Variants in COL6A5 observed in about 807,000 individuals in gnomAD.
The protein encoded by COL6A5 is collagen alpha-5(VI) chain.
A neutral mutation model predicts 65.6 loss-of-function variants in COL6A5; 48 were observed. That is an observed-to-expected ratio of 0.73 (90% confidence interval 0.58 to 0.93). COL6A5 has a LOEUF of 0.93. Ranked by LOEUF, COL6A5 falls within the 40% of genes least tolerant of loss-of-function variation. The pLI is 0.00. For missense variants in COL6A5, 914 were observed against 928.3 expected, an observed-to-expected ratio of 0.98 and a Z score of 0.20; for synonymous variants, 291 against 322.8, an observed-to-expected ratio of 0.90 and a Z score of 1.05.
At chr3:130,414,898 T>A (rs1937292620) in intron 22 of COL6A5, among the ~76,000 whole-genome samples, 1 of 152,118 alleles carries the variant, frequency 6.6e-6, no homozygotes, top group Non-Finnish European at 1.5e-5. Context: ...CTGGGGTCCC[T>A]GAACCAAGCT....
At chr3:130,411,352 A>G (rs898718814) in intron 20 of COL6A5, among the ~76,000 whole-genome samples, 2 of 152,230 alleles carry the variant, frequency 1.3e-5, no homozygotes, top group Non-Finnish European at 2.9e-5. Context: ...GTTTTGTTCA[A>G]GAAGGAATTG....
At chr3:130,423,765 C>G in intron 28 of COL6A5, 73 bp from the exon 29 acceptor site, 1 of 1,181,142 alleles carries the variant, frequency 8.5e-7, no homozygotes, top group Non-Finnish European at 1.2e-6. Context: ...ATTAGAAAGT[C>G]TTATCGAAAC....
At chr3:130,406,286 G>T in exon 17 of COL6A5, 1 of 1,550,452 alleles carries the variant, frequency 6.4e-7, no homozygotes, top group South Asian at 1.2e-5. Context: ...TGGATTTCCT[G>T]GAATAAAAGG....
chr3:130,379,543 A>T, exon 4 of COL6A5: 1 of 1,551,436 alleles, frequency 6.4e-7, no homozygotes. Context: ...TACCAGCTCC[A>T]TGGATGTGAA....
chr3:130,371,290 CCTTTT>C (rs1308341123), intron 1 of COL6A5, among the ~76,000 whole-genome samples: 4 of 151,744 alleles, frequency 2.6e-5, no homozygotes, highest in African/African-American at 4.8e-5. Flanking sequence ...AATCCAGATG[CCTTTT>C]CTTTTTTTTT....
At position 130,379,966 on chromosome 3, in the gene COL6A5, A is replaced by G. The variant is rs114174330; in HGVS notation, c.1216A>G (p.Ser406Gly). ...GTCCTATGCAGACTTAGAAACTTAC[A>G]GTACAAAGTTCCTGAAAAAGCTCCA... The change falls in exon 4 of 42, where the codon AGT (serine) becomes GGT (glycine). Residue 406 changes from serine to glycine, a missense_variant and NMD_transcript_variant. Ser to Gly is a moderately conservative substitution (Grantham distance 56). Coordinates refer to the COL6A5 transcript ENST00000312481. 2.1e-5 allele frequency: 32 copies of G among 1,551,086 alleles called. 1 individual carries two copies. Among genetic ancestry groups the G allele is most frequent in the East Asian group, 1.7e-4 (7 of 40,920 alleles).
At chr3:130,356,632 C>T (rs1388373922) in intron 1 of COL6A5, among the ~76,000 whole-genome samples, 3 of 152,008 alleles carry the variant, frequency 2.0e-5, no homozygotes, top group African/African-American at 7.2e-5. Context: ...CATTCTCTAA[C>T]CACAATGCAT....
At chr3:130,375,344 C>G (rs1211084035) in intron 2 of COL6A5, among the ~76,000 whole-genome samples, 1 of 152,138 alleles carries the variant, frequency 6.6e-6, no homozygotes, top group African/African-American at 2.4e-5. Flanking sequence ...AACTGGCCCT[C>G]TTGCCTCAAA....
chr3:130,440,346 ACT>A lies in COL6A5; in HGVS notation c.765_766del (p.Ser256TrpfsTer2), dbSNP rs1709146807. 8 of 1,613,420 alleles carry A rather than the reference ACT, an allele frequency of 5.0e-6. No individual in the cohort carries two copies. The highest frequency in any genetic ancestry group is 6.8e-6 in the Non-Finnish European group (8 of 1,179,682). ...ATTGCTTCAGACCCTTTAATCTCAG[ACT>A]CTGGTGATAGGATTGCTTTGTTGAG... On this transcript the variant is annotated frameshift_variant, in exon 3 of 8. Coordinates refer to ENST00000512836, the Ensembl canonical transcript of COL6A5. LOFTEE classifies it high-confidence loss of function.
At chr3:130,463,321 C>G (rs1189569314) in intron 5 of COL6A5, among the ~76,000 whole-genome samples, 1 of 97,074 alleles carries the variant, frequency 1.0e-5, no homozygotes, top group African/African-American at 2.8e-5. Context: ...GAACAAATTT[C>G]AAATTTCAAA....
intron 1 of COL6A5, among the ~76,000 whole-genome samples, chr3:130,372,236 A>G (rs1201897785): frequency 6.6e-6 from 1 of 152,174 alleles, no homozygotes; most frequent in Non-Finnish European, 1.5e-5. Flanking sequence ...TAGTGTGGCC[A>G]CTTTGGAAAA....
At chr3:130,373,685 C>A in exon 2 of COL6A5, 2 of 1,540,806 alleles carry the variant, frequency 1.3e-6, no homozygotes, top group Non-Finnish European at 1.8e-6. Flanking sequence ...TGGACTGAAA[C>A]ATTGGCAGAC....
intron 1 of COL6A5, among the ~76,000 whole-genome samples, chr3:130,367,528 C>G (rs1480859784): frequency 6.6e-6 from 1 of 152,182 alleles, no homozygotes; most frequent in Admixed American, 6.5e-5. Flanking sequence ...ATCAAACATA[C>G]TTGGTCTCTA....
chr3:130,399,997 A>G (rs1207179313), intron 10 of COL6A5, among the ~76,000 whole-genome samples: 1 of 147,348 alleles, frequency 6.8e-6, no homozygotes, highest in African/African-American at 2.5e-5. Flanking sequence ...ACCTGACCTC[A>G]GGTGATCCGC....
chr3:130,467,219 C>T lies in COL6A5; in HGVS notation c.1545-1576C>T, dbSNP rs57044703. Among the ~76,000 whole-genome samples, 632 of 151,716 alleles carry T rather than the reference C, an allele frequency of 4.2e-3. 5 individuals carry two copies. Among genetic ancestry groups the T allele is most frequent in the African/African-American group, 0.015 (600 of 41,370 alleles). ...CAAATCTGGATAATTGGGATATCTG[C>T]GAATAACATGGTGGTTAACAGAAGC... On this transcript the variant is annotated intron_variant, in intron 5 of 7. Coordinates refer to ENST00000512836, the Ensembl canonical transcript of COL6A5.
chr3:130,401,693 G>C (rs1010182929), intron 11 of COL6A5, 69 bp from the exon 12 acceptor site: 3 of 1,132,312 alleles, frequency 2.6e-6, no homozygotes, highest in East Asian at 2.6e-5. Flanking sequence ...TGATTTGTAT[G>C]AGTACAATTC....
rs1709934695 is a variant in COL6A5, at chr3:130,470,874, C to A, written c.2237C>A (p.Ala746Asp). The stretch of plus-strand genomic sequence containing the variant: ...AACCAGCCCACTCTCTCTCCAGGTG[C>A]CATCAACAAATATCCCACCGAAGAT... The change falls in exon 7 of 8, where the codon GCC becomes GAC. Residue 746 changes from alanine to aspartate, a missense_variant. Transcript: ENST00000512836. 2.5e-6 allele frequency: 4 copies of A among 1,609,728 alleles called. No homozygotes were observed. The East Asian group carries it at 9.0e-5, about 36-fold the overall frequency.
At chr3:130,453,442 T>G (rs1709494827) in intron 4 of COL6A5, among the ~76,000 whole-genome samples, 1 of 152,088 alleles carries the variant, frequency 6.6e-6, no homozygotes, top group Non-Finnish European at 1.5e-5. Context: ...CCCATAGTTG[T>G]TTTTTATAGC....
intron 3 of COL6A5, 103 bp from the exon 36 acceptor site, chr3:130,443,373 A>T: frequency 1.2e-6 from 1 of 820,600 alleles, no homozygotes; most frequent in Non-Finnish European, 2.0e-6. Context: ...GAAATATGTT[A>T]GTGACATTAG....
Sources: allele counts gnomAD v4.1 joint callset (sites outside exome capture counted in the v4.1 genomes callset), GRCh38; gene constraint gnomAD v4.1.1; transcripts MANE v1.5; gene names NCBI Gene and HGNC (gene_info 2026-07-23, HGNC 2026-07-21).